Variants in GSK3B observed in about 807,000 individuals in gnomAD.
GSK3B encodes the protein glycogen synthase kinase-3 beta.
A neutral mutation model predicts 56.4 loss-of-function variants in GSK3B; 15 were observed. That is an observed-to-expected ratio of 0.27 (90% CI 0.18 to 0.41). The LOEUF is 0.41. Among genes scored for constraint, GSK3B ranks in the 10% least tolerant of loss-of-function variants. GSK3B has a pLI of 1.00. For synonymous variants in GSK3B, 181 were observed against 188.9 expected (o/e 0.96, Z 0.34); for missense variants, 300 against 513.4 (o/e 0.58, Z 4.02).
chr3:120,068,113 C>T (rs1022888454), intron 1 of GSK3B, among the ~76,000 whole-genome samples: 1 of 152,128 alleles, frequency 6.6e-6, no homozygotes, highest in African/African-American at 2.4e-5. Context: ...ATATTTGGGG[C>T]CAGGCGCGGT....
intron 1 of GSK3B, among the ~76,000 whole-genome samples, chr3:120,040,418 A>G (rs906927644): frequency 1.3e-5 from 2 of 152,222 alleles, no homozygotes; most frequent in African/African-American, 2.4e-5. Flanking sequence ...AAAGGGTGCA[A>G]GAAACCTCCA....
intron 2 of GSK3B, among the ~76,000 whole-genome samples, chr3:119,961,708 A>T (rs1009993746): frequency 6.6e-6 from 1 of 151,978 alleles, no homozygotes; most frequent in African/African-American, 2.4e-5. Context: ...TCAACAAATC[A>T]GATATAGAAG....
At chr3:119,982,105 A>G (rs889028164) in intron 2 of GSK3B, among the ~76,000 whole-genome samples, 5 of 152,234 alleles carry the variant, frequency 3.3e-5, no homozygotes, top group African/African-American at 9.6e-5. Flanking sequence ...GCAAACTCCA[A>G]CAGACCTGCA....
intron 10 of GSK3B, among the ~76,000 whole-genome samples, chr3:119,833,870 G>GT (rs1406884386): frequency 3.3e-5 from 5 of 151,204 alleles, no homozygotes; most frequent in Admixed American, 3.3e-4. Flanking sequence ...ATTTTTTTTT[G>GT]TATTTTTAGT....
intron 1 of GSK3B, among the ~76,000 whole-genome samples, chr3:120,075,114 T>C (rs1220240427): frequency 6.6e-6 from 1 of 152,180 alleles, no homozygotes; most frequent in Non-Finnish European, 1.5e-5. Flanking sequence ...ATGTGATATA[T>C]TAAGAGACTG....
Position 119,943,370 on chromosome 3 carries a change from T to C in GSK3B, c.366+3898A>G, listed in dbSNP as rs552500253. Among the ~76,000 whole-genome samples, 15 of 152,166 alleles carry C rather than the reference T, an allele frequency of 9.9e-5. No homozygotes were observed. In the South Asian group the frequency reaches 3.1e-3, roughly 32 times the overall value. On this transcript the variant is annotated intron_variant, in intron 3 of 10. Transcript: ENST00000264235. ...GGAATAGATAAAATATTATATAGTA[T>C]AACAATGGAATATTAGATAACCAAA...
At position 119,876,507 on chromosome 3, in the gene GSK3B, AC is replaced by A; in HGVS notation, c.814del (p.Val272SerfsTer13). The A allele has an allele frequency of 6.4e-7, 1 of 1,564,630 alleles. No individual in the cohort carries two copies. Among genetic ancestry groups the A allele is most frequent in the Non-Finnish European group, 8.8e-7 (1 of 1,135,908 alleles). On this transcript the variant is annotated frameshift_variant and splice_region_variant, in exon 8 of 11. Coordinates refer to ENST00000264235, the MANE Select transcript of GSK3B (RefSeq NM_001146156.2). LOFTEE classifies it high-confidence loss of function. ...GVDQLVEIIK[V>X]LGTPTREQIR... ...TTGCTCCCTTGTTGGAGTTCCCAGG[AC>A]CTAGAAAGAAAGCAAGTTATTGCCA...
chr3:119,862,667 GTTTTTTTTTT>G (rs79778347), intron 9 of GSK3B, among the ~76,000 whole-genome samples: 4 of 110,392 alleles, frequency 3.6e-5, no homozygotes, highest in Non-Finnish European at 3.7e-5. Context: ...ACTATTTCTT[GTTTTTTTTTT>G]TTTTTTTTTG....
intron 1 of GSK3B, among the ~76,000 whole-genome samples, chr3:120,056,480 C>T (rs1466054648): frequency 3.3e-5 from 5 of 152,204 alleles, no homozygotes; most frequent in African/African-American, 1.2e-4. Context: ...GCTGGGATTA[C>T]AGGCGTGCAC....
At chr3:120,044,296 T>C (rs2058086042) in intron 1 of GSK3B, among the ~76,000 whole-genome samples, 1 of 152,140 alleles carries the variant, frequency 6.6e-6, no homozygotes, top group Non-Finnish European at 1.5e-5. Context: ...CTGGGAAGCT[T>C]AATGGAACAC....
chr3:119,999,970 C>T (rs1021974956), intron 2 of GSK3B, among the ~76,000 whole-genome samples: 8 of 152,310 alleles, frequency 5.3e-5, no homozygotes, highest in African/African-American at 1.7e-4. Flanking sequence ...AGAGAAACAA[C>T]ATGACCAATG....
chr3:119,915,223 G>A (rs2107456806), intron 5 of GSK3B, among the ~76,000 whole-genome samples: 1 of 151,970 alleles, frequency 6.6e-6, no homozygotes, highest in South Asian at 2.1e-4. Context: ...GAAAAAGGGT[G>A]GAATAAAAGG....
At chr3:119,944,352 CA>C (rs1559847243) in intron 3 of GSK3B, among the ~76,000 whole-genome samples, 1 of 152,082 alleles carries the variant, frequency 6.6e-6, no homozygotes, top group Non-Finnish European at 1.5e-5. Context: ...ACCTAAACGT[CA>C]AAAGAAACCT....
intron 2 of GSK3B, among the ~76,000 whole-genome samples, chr3:119,964,036 C>A (rs2057297712): frequency 1.3e-5 from 2 of 152,104 alleles, no homozygotes; most frequent in Non-Finnish European, 2.9e-5. Context: ...AGCTTCTACA[C>A]AGCAAAAGAA....
chr3:119,893,917 C>T (rs2056532474), intron 7 of GSK3B, among the ~76,000 whole-genome samples: 1 of 151,682 alleles, frequency 6.6e-6, no homozygotes, highest in African/African-American at 2.4e-5. Context: ...ATCATGAAAC[C>T]CACCCCTTAT....
At chr3:119,870,782 A>G (rs145757945) in intron 8 of GSK3B, among the ~76,000 whole-genome samples, 2 of 152,294 alleles carry the variant, frequency 1.3e-5, no homozygotes, top group East Asian at 3.9e-4. Context: ...TTCAGGGCAG[A>G]GGGGGGTTGA....
At chr3:119,931,503 C>CA (rs1315716610) in intron 3 of GSK3B, among the ~76,000 whole-genome samples, 13 of 152,130 alleles carry the variant, frequency 8.5e-5, no homozygotes, top group African/African-American at 3.1e-4. Flanking sequence ...GTAGTCCCAG[C>CA]TACTCAGGAG....
intron 8 of GSK3B, among the ~76,000 whole-genome samples, chr3:119,872,873 C>A (rs929487176): frequency 2.6e-5 from 4 of 152,112 alleles, no homozygotes; most frequent in African/African-American, 9.7e-5. Flanking sequence ...TATATAATAG[C>A]CCATCATTTA....
chr3:120,091,368 T>C (rs1431932429), intron 1 of GSK3B, among the ~76,000 whole-genome samples: 1 of 152,152 alleles, frequency 6.6e-6, no homozygotes, highest in Non-Finnish European at 1.5e-5. Context: ...CTTTTAAAAT[T>C]CTAAATTGAC....
Sources: gnomAD v4.1 joint callset for allele counts (sites outside exome capture counted in the v4.1 genomes callset) on GRCh38, gnomAD v4.1.1 for gene constraint, MANE v1.5 for transcripts, NCBI Gene and HGNC (gene_info 2026-07-23, HGNC 2026-07-21) for gene names.